WNT3: variants seen among roughly 807,000 people sequenced by gnomAD.
WNT3 encodes the protein proto-oncogene Wnt-3.
In WNT3, 7 loss-of-function variants were observed where a neutral mutation model predicts 34.2. The observed-to-expected ratio is 0.20, with a 90% CI of 0.12 to 0.38. The LOEUF (loss-of-function observed/expected upper bound fraction) is 0.38, where lower values mean the gene tolerates loss of function less well. Among genes scored for constraint, WNT3 ranks in the 10% least tolerant of loss-of-function variants. The pLI is 1.00. For synonymous variants in WNT3, 212 were observed against 211.5 expected (o/e 1.00, Z -0.02); for missense variants, 267 against 499.8 (o/e 0.53, Z 4.44).
chr17:46,771,534 C>A (rs897857287), intron 2 of WNT3, among the ~76,000 whole-genome samples: 1 of 148,828 alleles, frequency 6.7e-6, no homozygotes, highest in Non-Finnish European at 1.5e-5. Context: ...CTGGGAGCGG[C>A]GCTGACAGCC....
Position 46,811,225 on chromosome 17 carries a change from G to A in WNT3, c.80+7293C>T, listed in dbSNP as rs1169373575. 4.8e-5 allele frequency among the ~76,000 whole-genome samples: 6 copies of A among 125,888 alleles called. 1 individual carries two copies. Among genetic ancestry groups the A allele is most frequent in the African/African-American group, 1.6e-4 (6 of 37,298 alleles). 82.6% of individuals were successfully genotyped at this position (125,888 alleles called of 152,430 possible). A position where few individuals can be genotyped will look rare whatever the true frequency, so the allele number is the denominator to read the frequency against. On this transcript the variant is annotated intron_variant, in intron 1 of 4. Transcript: ENST00000225512. ...TGAGGGATTTGGGATTCACGGCTGC[G>A]ATGCAGGGAACTAAGCGGCCTTAGG...
intron 1 of WNT3, among the ~76,000 whole-genome samples, chr17:46,816,145 G>A (rs374792782): frequency 2.3e-3 from 287 of 124,532 alleles, no homozygotes; most frequent in African/African-American, 8.5e-3. Context: ...ACACACGCAC[G>A]CACGCACACA....
Position 46,796,412 on chromosome 17 carries a change from C to T in WNT3, c.80+22106G>A, listed in dbSNP as rs1163461733. ...TAAGGAAGGTATGTTATCATCACCC[C>T]TATCTCAGTGGGGAAACTGAGGCAG... On this transcript the variant is annotated intron_variant, in intron 1 of 4. Coordinates refer to ENST00000225512, the MANE Select transcript of WNT3 (RefSeq NM_030753.5). Among the ~76,000 whole-genome samples the T allele has an allele frequency of 2.6e-5, 4 of 152,314 alleles. No individual in the cohort carries two copies. The East Asian group carries it at 7.7e-4, about 29-fold the overall frequency.
At chr17:46,786,862 G>A (rs1568084049) in intron 1 of WNT3, among the ~76,000 whole-genome samples, 1 of 152,060 alleles carries the variant, frequency 6.6e-6, no homozygotes, top group Non-Finnish European at 1.5e-5. Context: ...TAGAAACCCT[G>A]GTGGGCCCAG....
chr17:46,794,914 C>G (rs1297437569), intron 1 of WNT3, among the ~76,000 whole-genome samples: 1 of 152,058 alleles, frequency 6.6e-6, no homozygotes, highest in African/African-American at 2.4e-5. Context: ...CCATGCTTGG[C>G]TAATTTTTGT....
intron 1 of WNT3, among the ~76,000 whole-genome samples, chr17:46,787,889 G>A (rs985897075): frequency 3.3e-5 from 5 of 151,624 alleles, no homozygotes; most frequent in Non-Finnish European, 7.4e-5. Flanking sequence ...CTGGGAGGCA[G>A]AGGTTTCAGT....
chr17:46,774,034 G>A, intron 1 of WNT3, 125 bp from the exon 2 acceptor site: 1 of 1,383,314 alleles, frequency 7.2e-7, no homozygotes, highest in Non-Finnish European at 9.9e-7. Flanking sequence ...CCTGGCACCT[G>A]AATGTGCTAC....
At chr17:46,795,882 A>T (rs539770648) in intron 1 of WNT3, among the ~76,000 whole-genome samples, 195 of 151,752 alleles carry the variant, frequency 1.3e-3, no homozygotes, top group African/African-American at 4.1e-3. Flanking sequence ...TCTCTCTCTC[A>T]CACACACACA....
At chr17:46,773,619 T>TCC in intron 2 of WNT3, 49 bp downstream of exon 2, 1 of 549,846 alleles carries the variant, frequency 1.8e-6, no homozygotes, top group Non-Finnish European at 3.2e-6. Context: ...ACAGTCCTGA[T>TCC]CCCTCCCCCC....
At chr17:46,779,032 T>C (rs2059434750) in intron 1 of WNT3, among the ~76,000 whole-genome samples, 1 of 130,820 alleles carries the variant, frequency 7.6e-6, no homozygotes, top group African/African-American at 2.9e-5. Flanking sequence ...TTTCTCCAGT[T>C]ATTCCCCGGT....
chr17:46,768,341 G>A lies in WNT3; in HGVS notation c.1047C>T (p.Tyr349=), dbSNP rs571188215. The A allele has an allele frequency of 3.1e-6, 5 of 1,613,690 alleles. No individual in the cohort carries two copies. The highest frequency in any genetic ancestry group is 2.2e-5 in the East Asian group (1 of 44,882). ...TGCCCTACTTGCAGGTGTGCACGTCGTAGATGCGAATACACTCCTGGCAGC... is the reference window on the plus strand; with the variant it reads ...TGCCCTACTTGCAGGTGTGCACGTCATAGATGCGAATACACTCCTGGCAGC... ...YVSCQECIRI[Y]DVHTCK Residue 349 remains tyrosine (Y), a synonymous_variant, in exon 4 of 5, where the codon TAC becomes TAT. Coordinates refer to ENST00000225512, the MANE Select transcript of WNT3 (RefSeq NM_030753.5). This position sits in a 1 kb window ranked among gnomAD's most constrained non-coding sequence, Gnocchi z 5.0.
chr17:46,815,063 C>T (rs1276645440), intron 1 of WNT3, among the ~76,000 whole-genome samples: 3 of 152,248 alleles, frequency 2.0e-5, no homozygotes, highest in East Asian at 1.9e-4. Context: ...AGTCACACAG[C>T]GGCAGGGTGA....
At chr17:46,791,860 C>A (rs908215288) in intron 1 of WNT3, among the ~76,000 whole-genome samples, 4 of 152,084 alleles carry the variant, frequency 2.6e-5, no homozygotes, top group Admixed American at 6.5e-5. Context: ...GGCAACACAG[C>A]GAGACGCTGT....
At chr17:46,800,560 C>T (rs765102198) in intron 1 of WNT3, among the ~76,000 whole-genome samples, 4 of 152,238 alleles carry the variant, frequency 2.6e-5, no homozygotes, top group Non-Finnish European at 5.9e-5. Context: ...GAAGAGGTAT[C>T]TGAGAATACA....
intron 1 of WNT3, among the ~76,000 whole-genome samples, chr17:46,801,616 T>C (rs577767284): frequency 7.2e-6 from 1 of 138,802 alleles, no homozygotes; most frequent in South Asian, 2.1e-4. Flanking sequence ...CGAGACTCTA[T>C]CTTGAAAAAC....
chr17:46,781,927 C>T (rs1179929434), intron 1 of WNT3, among the ~76,000 whole-genome samples: 1 of 152,186 alleles, frequency 6.6e-6, no homozygotes, highest in Non-Finnish European at 1.5e-5. Context: ...GAGGAGAACC[C>T]AGGGCTCACA....
At chr17:46,791,025 T>A (rs1311517396) in intron 1 of WNT3, among the ~76,000 whole-genome samples, 2 of 152,192 alleles carry the variant, frequency 1.3e-5, no homozygotes, top group Non-Finnish European at 2.9e-5. Context: ...TCCCCTTAGC[T>A]TTCTTAGCTG....
chr17:46,775,912 C>A (rs1198646919), intron 1 of WNT3, among the ~76,000 whole-genome samples: 6 of 152,196 alleles, frequency 3.9e-5, no homozygotes, highest in African/African-American at 1.4e-4. Context: ...CACGCCCGGC[C>A]CAGAAGTTCT....
At chr17:46,793,397 C>T (rs1026961499) in intron 1 of WNT3, among the ~76,000 whole-genome samples, 27 of 151,892 alleles carry the variant, frequency 1.8e-4, no homozygotes, top group Non-Finnish European at 3.2e-4. Context: ...TGCTCTGCTG[C>T]TCCGGCCGCT....
Sources: gnomAD v4.1 joint callset for allele counts (sites outside exome capture counted in the v4.1 genomes callset) on GRCh38, gnomAD v4.1.1 for gene constraint, Gnocchi (gnomAD v3.1) non-coding constraint, MANE v1.5 for transcripts, NCBI Gene and HGNC (gene_info 2026-07-23, HGNC 2026-07-21) for gene names.